The following CLTC variants were observed in gnomAD, a reference collection of about 807,000 sequenced individuals.
The protein encoded by CLTC is clathrin heavy chain, also known as clathrin heavy chain 1.
In CLTC, 16 loss-of-function variants were observed where a neutral mutation model predicts 195.8. The ratio of observed to expected loss-of-function variants is 0.08; its 90% confidence interval spans 0.06 to 0.12. The LOEUF (loss-of-function observed/expected upper bound fraction) is 0.12, where lower values mean the gene tolerates loss of function less well. Among genes scored for constraint, CLTC ranks in the 10% least tolerant of loss-of-function variants. The pLI, the probability that CLTC is intolerant of heterozygous loss-of-function variation, is 1.00. For synonymous variants in CLTC, 667 were observed against 689.4 expected, an observed-to-expected ratio of 0.97 and a Z score of 0.51; for missense variants, 796 against 2,027.0, an observed-to-expected ratio of 0.39 and a Z score of 11.66.
chr17:59,647,677 A>G lies in CLTC; in HGVS notation c.519+11A>G, dbSNP rs1321230820. 4.3e-6 allele frequency: 7 copies of G among 1,610,358 alleles called. No individual in the cohort carries two copies. The highest frequency in any genetic ancestry group is 5.9e-6 in the Non-Finnish European group (7 of 1,177,328). ...GGTATATCTGCACAGGTAACATTTT[A>G]ACTATTTTTTTATGAAGAAGAGGTT... On this transcript the variant is annotated intron_variant, in intron 3 of 31. Transcript: ENST00000269122.
chr17:59,673,254 G>T (rs1404159007), intron 14 of CLTC, among the ~76,000 whole-genome samples: 1 of 152,054 alleles, frequency 6.6e-6, no homozygotes, highest in Admixed American at 6.6e-5. Context: ...ACAAATGTAA[G>T]CCATTTATGC....
At position 59,680,926 on chromosome 17, in the gene CLTC, T is replaced by C. The variant is rs2033069827; in HGVS notation, c.2934T>C (p.Ala978=). 6.2e-7 allele frequency: 1 copy of C among 1,613,188 alleles called. No individual in the cohort carries two copies. The highest frequency in any genetic ancestry group is 8.5e-7 in the Non-Finnish European group (1 of 1,179,518). ...RPLIDQVVQT[A]LSETQDPEEV... The stretch of plus-strand genomic sequence containing the variant: ...ATCCTCTGTAGGTTGTACAAACAGC[T>C]TTGTCTGAGACTCAGGACCCTGAAG... The change falls in exon 19 of 32, where the codon GCT becomes GCC. Residue 978 remains alanine (A), a synonymous_variant. Coordinates refer to ENST00000269122, the MANE Select transcript of CLTC (RefSeq NM_004859.4).
chr17:59,668,971 T>C (rs746458466), intron 14 of CLTC, 31 bp downstream of exon 14: 1 of 1,584,528 alleles, frequency 6.3e-7, no homozygotes, highest in South Asian at 1.1e-5. Flanking sequence ...TGTTTTCTGG[T>C]TGGATTCCAG....
intron 1 of CLTC, among the ~76,000 whole-genome samples, chr17:59,641,492 T>C (rs955151637): frequency 6.8e-6 from 1 of 146,368 alleles, no homozygotes; most frequent in African/African-American, 2.5e-5. Context: ...TCCCAGCTAC[T>C]CGGGAGGCTG....
At position 59,694,630 on chromosome 17, in the gene CLTC, G is replaced by A. The variant is rs1363421731; in HGVS notation, c.*778G>A. On this transcript the variant is annotated 3_prime_UTR_variant, in exon 32 of 32. Transcript: ENST00000269122. ...TTACTAACCCTTCCCTGAGGTTTGT[G>A]TATGTTGGATATTGTGGTGTTTTAG... 4.4e-6 allele frequency: 1 copy of A among 226,712 alleles called. No individual in the cohort carries two copies. Among genetic ancestry groups the A allele is most frequent in the African/African-American group, 2.2e-5 (1 of 45,084 alleles). 14.0% of individuals were successfully genotyped at this position (226,712 alleles called of 1,614,324 possible).
chr17:59,625,583 G>T (rs1223445826), intron 1 of CLTC, among the ~76,000 whole-genome samples: 1 of 152,246 alleles, frequency 6.6e-6, no homozygotes, highest in Middle Eastern at 3.4e-3. Context: ...GTGAGCCAAG[G>T]TAGGAGCATT....
At chr17:59,674,101 G>C (rs556824248) in intron 15 of CLTC, among the ~76,000 whole-genome samples, 1 of 151,574 alleles carries the variant, frequency 6.6e-6, no homozygotes, top group Non-Finnish European at 1.5e-5. Context: ...TCCTTTCTTG[G>C]AATAAAATTC....
intron 1 of CLTC, among the ~76,000 whole-genome samples, chr17:59,624,401 TA>T (rs1366921840): frequency 6.6e-6 from 1 of 151,568 alleles, no homozygotes; most frequent in African/African-American, 2.4e-5. Flanking sequence ...GGGAGGGCTT[TA>T]GGGGTTGTTG....
intron 31 of CLTC, among the ~76,000 whole-genome samples, chr17:59,693,292 A>G (rs531919420): frequency 6.6e-6 from 1 of 151,184 alleles, no homozygotes; most frequent in East Asian, 2.0e-4. Context: ...ACTTGAACCC[A>G]GGAGGCAGAG....
intron 31 of CLTC, among the ~76,000 whole-genome samples, chr17:59,692,650 TCCC>T (rs913529171): frequency 4.6e-5 from 7 of 152,248 alleles, no homozygotes; most frequent in Admixed American, 2.6e-4. Flanking sequence ...TCTTTTTTTT[TCCC>T]CCAAGATGGG....
chr17:59,632,087 G>A (rs190700647), intron 1 of CLTC, among the ~76,000 whole-genome samples: 375 of 152,236 alleles, frequency 2.5e-3, no homozygotes, highest in Non-Finnish European at 3.3e-3. Context: ...TTAGAAACCG[G>A]GCTGGGTGTG....
rs2033429879 is a variant in CLTC, at chr17:59,696,532, T to C, written c.*2680T>C. The C allele has an allele frequency of 1.6e-5, 2 of 126,574 alleles. No individual in the cohort carries two copies. Among genetic ancestry groups the C allele is most frequent in the Admixed American group, 1.9e-4 (2 of 10,390 alleles). 7.8% of individuals were successfully genotyped at this position (126,574 alleles called of 1,614,324 possible). On this transcript the variant is annotated 3_prime_UTR_variant, in exon 32 of 32. Coordinates refer to ENST00000269122, the MANE Select transcript of CLTC (RefSeq NM_004859.4). Reference sequence around the variant, plus strand: ...TCCTCCTAAAAGAAGGCTTAAATAGTTTCTAACAAGATGACTATCAGGAAG... The same window carrying C: ...TCCTCCTAAAAGAAGGCTTAAATAGCTTCTAACAAGATGACTATCAGGAAG...
chr17:59,665,238 A>T (rs550053231), intron 10 of CLTC, among the ~76,000 whole-genome samples: 1 of 144,704 alleles, frequency 6.9e-6, no homozygotes, highest in South Asian at 2.3e-4. Context: ...AAAAAAAAAA[A>T]GGAAAACTTA....
At chr17:59,672,159 A>G (rs1397953348) in intron 14 of CLTC, among the ~76,000 whole-genome samples, 1 of 152,180 alleles carries the variant, frequency 6.6e-6, no homozygotes, top group Non-Finnish European at 1.5e-5. Context: ...GGTTAATTAA[A>G]CATTTAGTAA....
In CLTC at chr17:59,666,720, A is replaced by C. The variant is rs1218910071; in HGVS notation, c.1947+76A>C. 2 of 1,552,312 alleles carry C rather than the reference A, an allele frequency of 1.3e-6. No individual in the cohort carries two copies. Among genetic ancestry groups the C allele is most frequent in the Non-Finnish European group, 1.8e-6 (2 of 1,138,242 alleles). On this transcript the variant is annotated intron_variant, in intron 12 of 31. Coordinates refer to ENST00000269122, the MANE Select transcript of CLTC (RefSeq NM_004859.4). The surrounding 1 kb of genome is among the most constrained non-coding windows in gnomAD (Gnocchi z 4.9). ...CACTGAAAATGTGTTTGTGGTACTAAATATTAATAATTTCATACCACCATG... is the reference window on the plus strand; with the variant it reads ...CACTGAAAATGTGTTTGTGGTACTACATATTAATAATTTCATACCACCATG...
chr17:59,675,080 A>G (rs1450619920), intron 16 of CLTC, among the ~76,000 whole-genome samples: 1 of 152,204 alleles, frequency 6.6e-6, no homozygotes, highest in Non-Finnish European at 1.5e-5. Flanking sequence ...TGGCATGTTT[A>G]TAATTACAGC....
At chr17:59,655,598 C>T (rs548319997) in intron 5 of CLTC, among the ~76,000 whole-genome samples, 1 of 152,280 alleles carries the variant, frequency 6.6e-6, no homozygotes, top group African/African-American at 2.4e-5. Flanking sequence ...TGAGGTATCC[C>T]TGTAATACGT....
intron 30 of CLTC, 154 bp from the exon 31 acceptor site, chr17:59,690,482 C>T (rs2033271755): frequency 3.6e-6 from 2 of 559,648 alleles, no homozygotes; most frequent in South Asian, 4.8e-5. Context: ...GAAGTATGAA[C>T]ATTGCCATTG....
chr17:59,637,917 G>GA (rs1260019125), intron 1 of CLTC, among the ~76,000 whole-genome samples: 5 of 146,816 alleles, frequency 3.4e-5, no homozygotes, highest in African/African-American at 7.6e-5. Flanking sequence ...CCCTGTATGA[G>GA]AAAAAAAAGA....
Sources: gnomAD v4.1 joint callset for allele counts (sites outside exome capture counted in the v4.1 genomes callset) on GRCh38, gnomAD v4.1.1 for gene constraint, Gnocchi (gnomAD v3.1) non-coding constraint, MANE v1.5 for transcripts, NCBI Gene and HGNC (gene_info 2026-07-23, HGNC 2026-07-21) for gene names.